Variants in LHFPL3 observed in about 807,000 individuals in gnomAD.
The protein encoded by LHFPL3 is LHFPL tetraspan subfamily member 3.
In LHFPL3, 5 loss-of-function variants were observed where a neutral mutation model predicts 19.3. That is an observed-to-expected ratio of 0.26 (90% confidence interval 0.14 to 0.54). The LOEUF (loss-of-function observed/expected upper bound fraction) is 0.54, where lower values mean the gene tolerates loss of function less well. Among genes scored for constraint, LHFPL3 ranks in the 20% least tolerant of loss-of-function variants. The probability of loss-of-function intolerance (pLI) is 0.94; values close to 1 mark genes in which losing one functional copy is unlikely to be tolerated. For missense variants in LHFPL3, 249 were observed against 307.4 expected (o/e 0.81, Z 1.42); for synonymous variants, 133 against 126.2 (o/e 1.05, Z -0.36).
At chr7:104,549,637 C>T (rs970045279) in intron 1 of LHFPL3, among the ~76,000 whole-genome samples, 1 of 152,062 alleles carries the variant, frequency 6.6e-6, no homozygotes, top group Non-Finnish European at 1.5e-5. Flanking sequence ...GATAAGAGAA[C>T]AAAAATTATA....
intron 1 of LHFPL3, among the ~76,000 whole-genome samples, chr7:104,441,657 C>T (rs1488977702): frequency 2.0e-5 from 3 of 152,166 alleles, no homozygotes; most frequent in African/African-American, 7.2e-5. Context: ...CTCACTGCAG[C>T]CTCCACCTCC....
chr7:104,566,389 C>T (rs1790125823), intron 1 of LHFPL3, among the ~76,000 whole-genome samples: 1 of 152,062 alleles, frequency 6.6e-6, no homozygotes, highest in African/African-American at 2.4e-5. Flanking sequence ...CACATCTCAC[C>T]CTCAGCATCC....
chr7:104,435,928 G>A (rs182914647), intron 1 of LHFPL3, among the ~76,000 whole-genome samples: 1 of 151,900 alleles, frequency 6.6e-6, no homozygotes, highest in Non-Finnish European at 1.5e-5. Context: ...AATGGCAAAG[G>A]TATAAATGTA....
intron 1 of LHFPL3, among the ~76,000 whole-genome samples, chr7:104,451,718 T>A (rs1220923317): frequency 1.3e-5 from 2 of 152,166 alleles, no homozygotes; most frequent in African/African-American, 4.8e-5. Flanking sequence ...ACATGTTTAG[T>A]GTCTAAAATT....
chr7:104,381,177 A>T (rs1790820984), intron 1 of LHFPL3, among the ~76,000 whole-genome samples: 1 of 152,208 alleles, frequency 6.6e-6, no homozygotes, highest in South Asian at 2.1e-4. Context: ...TTAGGAATGT[A>T]TTCAATGAGG....
chr7:104,835,761 ATTATT>A (rs1452343590), intron 2 of LHFPL3, among the ~76,000 whole-genome samples: 2 of 118,464 alleles, frequency 1.7e-5, no homozygotes, highest in Non-Finnish European at 4.3e-5. Context: ...TTAAATTATT[ATTATT>A]TTTTTTTACT....
chr7:104,695,070 T>A (rs1792974099), intron 1 of LHFPL3, among the ~76,000 whole-genome samples: 1 of 152,238 alleles, frequency 6.6e-6, no homozygotes. Flanking sequence ...CCCTTGGTCC[T>A]GCCAGCCTGA....
At chr7:104,543,767 G>A (rs1216289209) in intron 1 of LHFPL3, among the ~76,000 whole-genome samples, 1 of 107,964 alleles carries the variant, frequency 9.3e-6, no homozygotes, top group African/African-American at 3.5e-5. Flanking sequence ...GTCTGTTGTG[G>A]GGTGGGGGGA....
At chr7:104,605,422 C>T (rs1403387774) in intron 1 of LHFPL3, among the ~76,000 whole-genome samples, 1 of 152,174 alleles carries the variant, frequency 6.6e-6, no homozygotes, top group African/African-American at 2.4e-5. Flanking sequence ...TTAATTTTAG[C>T]TGTTTTGGTT....
At chr7:104,440,038 G>C (rs184913444) in intron 1 of LHFPL3, among the ~76,000 whole-genome samples, 75 of 140,404 alleles carry the variant, frequency 5.3e-4, no homozygotes, top group South Asian at 9.4e-4. Context: ...CAAAGCCTGG[G>C]GGGGGGGAGG....
chr7:104,561,520 T>C (rs1182195491), intron 1 of LHFPL3, among the ~76,000 whole-genome samples: 1 of 151,382 alleles, frequency 6.6e-6, no homozygotes, highest in East Asian at 1.9e-4. Context: ...CCTTTTTTTG[T>C]TTTCCATTGG....
chr7:104,687,893 A>G (rs1317661855), intron 1 of LHFPL3, among the ~76,000 whole-genome samples: 2 of 152,206 alleles, frequency 1.3e-5, no homozygotes, highest in African/African-American at 4.8e-5. Flanking sequence ...AGAAATAGAA[A>G]TTTAGTCGCA....
intron 1 of LHFPL3, among the ~76,000 whole-genome samples, chr7:104,364,885 A>C (rs1790454297): frequency 6.6e-6 from 1 of 152,248 alleles, no homozygotes; most frequent in South Asian, 2.1e-4. Flanking sequence ...GCAGGATGTT[A>C]AAATTTCTTT....
chr7:104,879,752 C>A (rs889346938), intron 2 of LHFPL3, among the ~76,000 whole-genome samples: 7 of 152,182 alleles, frequency 4.6e-5, no homozygotes, highest in Admixed American at 2.0e-4. Context: ...GATGGAGAAA[C>A]CACAGCAAGT....
intron 2 of LHFPL3, among the ~76,000 whole-genome samples, chr7:104,837,671 AC>A (rs1791123387): frequency 6.6e-6 from 1 of 152,182 alleles, no homozygotes; most frequent in South Asian, 2.1e-4. Flanking sequence ...GTGTTTGGTT[AC>A]ATGAGTAAGT....
chr7:104,395,087 C>T (rs1285289047), intron 1 of LHFPL3, among the ~76,000 whole-genome samples: 2 of 152,004 alleles, frequency 1.3e-5, no homozygotes, highest in African/African-American at 4.8e-5. Flanking sequence ...AACTATCCAA[C>T]ATCTAGTATA....
intron 1 of LHFPL3, among the ~76,000 whole-genome samples, chr7:104,681,952 A>T (rs544857439): frequency 3.3e-5 from 5 of 152,318 alleles, no homozygotes; most frequent in Admixed American, 3.3e-4. Flanking sequence ...ATTGCAAAAG[A>T]TTTGGAGATA....
intron 1 of LHFPL3, among the ~76,000 whole-genome samples, chr7:104,418,650 T>C (rs1791670891): frequency 6.6e-6 from 1 of 152,108 alleles, no homozygotes; most frequent in Admixed American, 6.5e-5. Flanking sequence ...AGATACAAGG[T>C]GCTTAGGATT....
intron 2 of LHFPL3, among the ~76,000 whole-genome samples, chr7:104,901,478 G>A (rs768233099): frequency 2.0e-5 from 3 of 152,154 alleles, no homozygotes; most frequent in African/African-American, 4.8e-5. Flanking sequence ...TTCCCAGCAC[G>A]CCTTCTGATG....
Sources: gnomAD v4.1 joint callset for allele counts (sites outside exome capture counted in the v4.1 genomes callset) on GRCh38, gnomAD v4.1.1 for gene constraint, MANE v1.5 for transcripts, NCBI Gene and HGNC (gene_info 2026-07-23, HGNC 2026-07-21) for gene names.